Variants in FADS1 observed in about 807,000 individuals in gnomAD.
FADS1 encodes fatty acid desaturase 1.
Under a neutral mutation model 61.6 loss-of-function variants are expected in FADS1, and 17 were observed. That is an observed-to-expected ratio of 0.28 (90% confidence interval 0.19 to 0.41). FADS1 has a LOEUF of 0.41. FADS1 is among the 10% of genes least tolerant of loss of function. FADS1 has a pLI of 1.00. For missense variants in FADS1, 387 were observed against 650.9 expected, an observed-to-expected ratio of 0.59 and a Z score of 4.41; for synonymous variants, 238 against 258.7, an observed-to-expected ratio of 0.92 and a Z score of 0.77.
Position 61,802,459 on chromosome 11 carries a change from T to G in FADS1, c.1458A>C (p.Ser486=), listed in dbSNP as rs759689703. ...LLSAFADIIH[S]LKESGQLWLD... ...GCCAGAGCTGCCCTGACTCCTTTAG[T>G]GAGCTGCAGGGACAAAATGGGGGCA... Residue 486 remains serine (S), a synonymous_variant, in exon 12 of 12, where the codon TCA becomes TCC. Coordinates refer to ENST00000350997, the MANE Select transcript of FADS1 (RefSeq NM_013402.7). The surrounding 1 kb of genome is among the most constrained non-coding windows in gnomAD (Gnocchi z 4.2). The G allele has an allele frequency of 1.3e-6, 2 of 1,563,590 alleles. No homozygotes were observed. Among genetic ancestry groups the G allele is most frequent in the South Asian group, 2.4e-5 (2 of 84,860 alleles).
At chr11:61,811,290 G>A (rs1482114470) in intron 3 of FADS1, among the ~76,000 whole-genome samples, 4 of 151,938 alleles carry the variant, frequency 2.6e-5, no homozygotes, top group African/African-American at 7.3e-5. Context: ...CTTCTGTTTC[G>A]CCAGCTCCGA....
Position 61,803,231 on chromosome 11 carries a change from T to C in FADS1, c.1249-120A>G. On this transcript the variant is annotated intron_variant, in intron 9 of 11. Transcript: ENST00000350997. This position sits in a 1 kb window ranked among gnomAD's most constrained non-coding sequence, Gnocchi z 4.3. ...GACTGTCTTGGTCACTCCCTTCACA[T>C]GGTTGCAGAACAAGAGCCTCAGGCT... 8.0e-7 allele frequency: 1 copy of C among 1,245,788 alleles called. No homozygotes were observed. Among genetic ancestry groups the C allele is most frequent in the Non-Finnish European group, 1.2e-6 (1 of 849,568 alleles). The allele number at this position is 1,245,788 out of a possible 1,614,324, so 77.2% of individuals were successfully genotyped here. A position where few individuals can be genotyped will look rare whatever the true frequency, so the allele number is the denominator to read the frequency against.
At chr11:61,807,015 C>A (rs910539415) in intron 5 of FADS1, among the ~76,000 whole-genome samples, 55 of 152,232 alleles carry the variant, frequency 3.6e-4, no homozygotes, top group African/African-American at 1.3e-3. Flanking sequence ...TGTTCATTCT[C>A]TTTGTCATGA....
intron 6 of FADS1, 133 bp from the exon 7 acceptor site, chr11:61,804,894 G>A: frequency 2.7e-6 from 2 of 737,148 alleles, no homozygotes; most frequent in Non-Finnish European, 2.3e-6. Context: ...CCCTCCAGGT[G>A]CTTGAGTGCT....
At chr11:61,813,857 C>T (rs571151286) in intron 1 of FADS1, among the ~76,000 whole-genome samples, 28 of 145,630 alleles carry the variant, frequency 1.9e-4, no homozygotes, top group Admixed American at 1.8e-3. Flanking sequence ...CCCAGCTACT[C>T]GGGAGGCTGA....
Position 61,811,022 on chromosome 11 carries a change from G to T in FADS1, c.738C>A (p.Thr246=), listed in dbSNP as rs917443634. ...GATGTAGCAGATGGTTCCACTTTGA[G>T]GTGCTGAAGACCGACAGGTGCCCAA... is the stretch of plus-strand genomic sequence containing the variant. ...HDFGHLSVFS[T]SKWNHLLHHF... The change falls in exon 4 of 12, where the codon ACC becomes ACA. Residue 246 remains threonine (T), a synonymous_variant. Coordinates refer to ENST00000350997, the MANE Select transcript of FADS1 (RefSeq NM_013402.7). 7 of 1,614,044 alleles carry T rather than the reference G, an allele frequency of 4.3e-6. No homozygotes were observed. Among genetic ancestry groups the T allele is most frequent in the Non-Finnish European group, 5.9e-6 (7 of 1,179,998 alleles).
chr11:61,809,799 T>C (rs2066919272), intron 5 of FADS1, among the ~76,000 whole-genome samples: 1 of 152,122 alleles, frequency 6.6e-6, no homozygotes, highest in Admixed American at 6.5e-5. Context: ...TCCATGCTCA[T>C]GATGGGAAAA....
At position 61,803,835 on chromosome 11, in the gene FADS1, T is replaced by C. The variant is rs1591149834; in HGVS notation, c.1054-68A>G. On this transcript the variant is annotated intron_variant, in intron 7 of 11. Transcript: ENST00000350997. This position sits in a 1 kb window ranked among gnomAD's most constrained non-coding sequence, Gnocchi z 4.3. ...CTTCCTCTTCCTCTCAGCAGCTCTT[T>C]GTTTGCATGGTGCAGCCATTCTCCT... 4 of 1,202,644 alleles carry C rather than the reference T, an allele frequency of 3.3e-6. No homozygotes were observed. In the Admixed American group the frequency reaches 5.2e-5, roughly 16 times the overall value. 74.5% of individuals were successfully genotyped at this position (1,202,644 alleles called of 1,614,324 possible). A position where few individuals can be genotyped will look rare whatever the true frequency, so the allele number is the denominator to read the frequency against.
At chr11:61,808,464 T>C (rs535483224) in intron 5 of FADS1, among the ~76,000 whole-genome samples, 1 of 152,340 alleles carries the variant, frequency 6.6e-6, no homozygotes, top group Admixed American at 6.5e-5. Context: ...CCTCTGGGGA[T>C]GTTGATGCCT....
intron 5 of FADS1, among the ~76,000 whole-genome samples, chr11:61,810,490 C>T (rs180768046): frequency 3.9e-5 from 6 of 152,236 alleles, no homozygotes; most frequent in South Asian, 2.1e-4. Flanking sequence ...TCTGGTCATC[C>T]GCTGGATCCT....
chr11:61,812,803 C>T (rs919984798), intron 2 of FADS1, 135 bp from the exon 3 acceptor site: 20 of 721,368 alleles, frequency 2.8e-5, no homozygotes, highest in African/African-American at 5.3e-5. Flanking sequence ...AAAGATACCA[C>T]GACAATGAGG....
In FADS1 at chr11:61,816,249, C is replaced by G. The variant is rs1426967832; in HGVS notation, c.375+306G>C. 1.9e-6 allele frequency: 3 copies of G among 1,597,140 alleles called. No individual in the cohort carries two copies. The East Asian group carries it at 6.7e-5, about 36-fold the overall frequency. On this transcript the variant is annotated intron_variant, in intron 1 of 11. Transcript: ENST00000350997. The surrounding 1 kb of genome is among the most constrained non-coding windows in gnomAD (Gnocchi z 7.0). ...AGCCTACCCAGCTCGGGGTTCTGTC[C>G]CCGCCCAGAGACCTGAGGCTCGGGG... is the stretch of plus-strand genomic sequence containing the variant.
chr11:61,804,644 T>G, intron 7 of FADS1, 41 bp downstream of exon 7: 2 of 1,567,074 alleles, frequency 1.3e-6, no homozygotes, highest in South Asian at 2.2e-5. Flanking sequence ...CTCTGGGTGC[T>G]GGAGACAAGG....
In FADS1 at chr11:61,813,611, A is replaced by T. The variant is rs1591154764; in HGVS notation, c.376-258T>A. 3.3e-5 allele frequency: 15 copies of T among 452,272 alleles called. No individual in the cohort carries two copies. In the East Asian group the frequency reaches 6.0e-4, roughly 18 times the overall value. The allele number at this position is 452,272 out of a possible 1,614,324, so 28.0% of individuals were successfully genotyped here. ...CAATCAGCACCCTGTAAAATGGACC[A>T]ATCAGTGCTCTATAAAATGGACAAA... On this transcript the variant is annotated intron_variant, in intron 1 of 11. Coordinates refer to ENST00000350997, the MANE Select transcript of FADS1 (RefSeq NM_013402.7).
At position 61,807,294 on chromosome 11, in the gene FADS1, C is replaced by T. The variant is rs2066900771; in HGVS notation, c.916-570G>A. ...TGTTGTTCAGGCTGGTCTTGAACTC[C>T]CAACCTCAGGTGATCCACCCACCTC... On this transcript the variant is annotated intron_variant, in intron 5 of 11. Transcript: ENST00000350997. Among the ~76,000 whole-genome samples, 14 of 152,102 alleles carry T rather than the reference C, an allele frequency of 9.2e-5. 1 individual carries two copies. In the South Asian group the frequency reaches 2.9e-3, roughly 32 times the overall value.
At position 61,816,447 on chromosome 11, in the gene FADS1, G is replaced by A; in HGVS notation, c.375+108C>T. 6.3e-7 allele frequency: 1 copy of A among 1,599,656 alleles called. No homozygotes were observed. On this transcript the variant is annotated intron_variant, in intron 1 of 11. Transcript: ENST00000350997. This position sits in a 1 kb window ranked among gnomAD's most constrained non-coding sequence, Gnocchi z 7.0. ...AACAGGTATGATCAGGCGCCTCCGG[G>A]CTTTCCTCCGAATTAGTCGGTGTTT...
Position 61,815,281 on chromosome 11 carries a change from G to C in FADS1, c.375+1274C>G, listed in dbSNP as rs1394547240. On this transcript the variant is annotated intron_variant, in intron 1 of 11. Transcript: ENST00000350997. The surrounding 1 kb of genome is among the most constrained non-coding windows in gnomAD (Gnocchi z 6.4). ...GCGGGAAGCTCCAGCGTTGGTGCCT[G>C]TTTCGTCTGCGCATGCGCCGGGACA... 1.2e-5 allele frequency: 2 copies of C among 165,506 alleles called. No individual in the cohort carries two copies. The highest frequency in any genetic ancestry group is 2.9e-5 in the Non-Finnish European group (2 of 68,318). 10.3% of individuals were successfully genotyped at this position (165,506 alleles called of 1,614,324 possible).
chr11:61,808,335 CA>C (rs199977718), intron 5 of FADS1, among the ~76,000 whole-genome samples: 37,496 of 122,912 alleles, frequency 0.31, 6,058 homozygotes, highest in East Asian at 0.58. Flanking sequence ...GACTCTGTCT[CA>C]AAAAAAAAAA....
In FADS1 at chr11:61,815,811, G is replaced by T. The variant is rs920058415; in HGVS notation, c.375+744C>A. 5.9e-6 allele frequency: 1 copy of T among 168,300 alleles called. No homozygotes were observed. The highest frequency in any genetic ancestry group is 5.7e-5 in the Admixed American group (1 of 17,554). The allele number at this position is 168,300 out of a possible 1,614,324, so 10.4% of individuals were successfully genotyped here. A position where few individuals can be genotyped will look rare whatever the true frequency, so the allele number is the denominator to read the frequency against. Reference sequence around the variant, plus strand: ...CGCCCCAGAGCGTAAACAGCGGTCCGCTCCGCGGAATAGCTGAAGACCTCG... The same window carrying T: ...CGCCCCAGAGCGTAAACAGCGGTCCTCTCCGCGGAATAGCTGAAGACCTCG... On this transcript the variant is annotated intron_variant, in intron 1 of 11. Transcript: ENST00000350997. The surrounding 1 kb of genome is among the most constrained non-coding windows in gnomAD (Gnocchi z 6.4).
Sources: gnomAD v4.1 joint callset for allele counts (sites outside exome capture counted in the v4.1 genomes callset) on GRCh38, gnomAD v4.1.1 for gene constraint, Gnocchi (gnomAD v3.1) non-coding constraint, MANE v1.5 for transcripts, NCBI Gene and HGNC (gene_info 2026-07-23, HGNC 2026-07-21) for gene names.